LRRC9: variants seen among roughly 807,000 people sequenced by gnomAD.
The protein encoded by LRRC9 is leucine rich repeat containing 9.
LRRC9 carries 122 observed loss-of-function variants against 63.2 expected under a neutral mutation model. The ratio of observed to expected loss-of-function variants is 1.93; its 90% CI spans 1.67 to 2.24. LRRC9 has a LOEUF of 2.24. Among genes scored for constraint, LRRC9 ranks in the 30% most tolerant of loss-of-function variants. LRRC9 has a pLI of 0.00. For synonymous variants in LRRC9, 366 were observed against 213.1 expected, an observed-to-expected ratio of 1.72 and a Z score of -6.25; for missense variants, 1,071 against 627.7, an observed-to-expected ratio of 1.71 and a Z score of -7.55.
At chr14:60,063,214 C>T (rs557766918) in intron 31 of LRRC9, 109 bp from the exon 33 acceptor site, 6 of 631,074 alleles carry the variant, frequency 9.5e-6, no homozygotes, top group South Asian at 7.1e-5. Flanking sequence ...TTTGAAATTG[C>T]GCACATCTAA....
chr14:60,008,616 C>T (rs1825074758), intron 23 of LRRC9, among the ~76,000 whole-genome samples: 1 of 152,116 alleles, frequency 6.6e-6, no homozygotes, highest in Non-Finnish European at 1.5e-5. Context: ...TTTGAACCAA[C>T]ATGTGGTATG....
chr14:59,945,386 A>G (rs1321853421), intron 8 of LRRC9, among the ~76,000 whole-genome samples: 1 of 152,034 alleles, frequency 6.6e-6, no homozygotes, highest in Non-Finnish European at 1.5e-5. Flanking sequence ...AAATGGTGTT[A>G]CAAAAATAGT....
intron 8 of LRRC9, among the ~76,000 whole-genome samples, chr14:59,952,825 C>T (rs1276895807): frequency 2.0e-5 from 3 of 152,144 alleles, no homozygotes; most frequent in East Asian, 1.9e-4. Context: ...CACCTCGCAA[C>T]AGGACCTGGT....
rs1162896577 is a variant in LRRC9 at position 59,938,817 on chromosome 14, CA to C, written c.726+249del. Among the ~76,000 whole-genome samples the C allele has an allele frequency of 6.7e-6, 1 of 148,332 alleles. No individual in the cohort carries two copies. Among genetic ancestry groups the C allele is most frequent in the African/African-American group, 2.5e-5 (1 of 40,372 alleles). On this transcript the variant is annotated intron_variant, in intron 7 of 31. Coordinates refer to ENST00000445360, the Ensembl canonical transcript of LRRC9. This position sits in a 1 kb window ranked among gnomAD's most constrained non-coding sequence, Gnocchi z 4.2. ...AGAATAATAATGTTTCTAATCTATACAAAACAAGAAGGAAATTGAAAAAAAA... is the reference window on the plus strand; with the variant it reads ...AGAATAATAATGTTTCTAATCTATACAAACAAGAAGGAAATTGAAAAAAAA...
intron 13 of LRRC9, among the ~76,000 whole-genome samples, chr14:59,975,696 C>T (rs1191494488): frequency 6.6e-6 from 1 of 152,134 alleles, no homozygotes; most frequent in Non-Finnish European, 1.5e-5. Context: ...TTAATAATCA[C>T]ATAAATATAA....
chr14:59,971,548 C>A (rs1387737873), intron 12 of LRRC9, among the ~76,000 whole-genome samples: 1 of 152,060 alleles, frequency 6.6e-6, no homozygotes, highest in Non-Finnish European at 1.5e-5. Flanking sequence ...AATATTGATT[C>A]TTCCTGTCCA....
chr14:60,020,116 C>A (rs997177045), intron 26 of LRRC9, among the ~76,000 whole-genome samples: 1 of 151,870 alleles, frequency 6.6e-6, no homozygotes, highest in Admixed American at 6.6e-5. Context: ...ATCTCTCCCC[C>A]GACACCCTGG....
At position 59,942,622 on chromosome 14, in the gene LRRC9, G is replaced by C. The variant is rs919739156; in HGVS notation, c.727-1967G>C. 6.6e-6 allele frequency among the ~76,000 whole-genome samples: 1 copy of C among 152,166 alleles called. No individual in the cohort carries two copies. The highest frequency in any genetic ancestry group is 6.5e-5 in the Admixed American group (1 of 15,274). ...AGGTGCCTGTAATACCAGCTACTCAGGAGGCTGAGGCAGGAGAATCACTTG... is the reference window on the plus strand; with the variant it reads ...AGGTGCCTGTAATACCAGCTACTCACGAGGCTGAGGCAGGAGAATCACTTG... On this transcript the variant is annotated intron_variant, in intron 7 of 31. Coordinates refer to ENST00000445360, the Ensembl canonical transcript of LRRC9. This position sits in a 1 kb window ranked among gnomAD's most constrained non-coding sequence, Gnocchi z 5.3.
intron 27 of LRRC9, among the ~76,000 whole-genome samples, chr14:60,026,851 G>T (rs1411048864): frequency 1.3e-5 from 2 of 151,820 alleles, no homozygotes; most frequent in African/African-American, 4.8e-5. Flanking sequence ...CTGTTCCCTT[G>T]GTCTATGTGT....
At position 59,944,582 on chromosome 14, in the gene LRRC9, C is replaced by T. The variant is rs1882139368; in HGVS notation, c.727-7C>T. ...TAATTTTTTGTTGTTTTCTTTCTTA[C>T]TTTTAGACCACAGCAATGAAAAAAA... is the stretch of plus-strand genomic sequence containing the variant. On this transcript the variant is annotated splice_polypyrimidine_tract_variant and splice_region_variant and intron_variant, in intron 7 of 31. Transcript: ENST00000445360. 1 of 555,392 alleles carries T rather than the reference C, an allele frequency of 1.8e-6. No individual in the cohort carries two copies. The highest frequency in any genetic ancestry group is 2.6e-5 in the South Asian group (1 of 39,096). The allele number at this position is 555,392 out of a possible 1,614,324, so 34.4% of individuals were successfully genotyped here.
rs1265301560 is a variant in LRRC9 at position 59,931,601 on chromosome 14, T to G, written c.409-18T>G. Reference sequence around the variant, plus strand: ...TTTTAATTATCTGTTCTAAATAATATGTTGTCTAAATTTTTAGGGTTTGCA... The same window carrying G: ...TTTTAATTATCTGTTCTAAATAATAGGTTGTCTAAATTTTTAGGGTTTGCA... On this transcript the variant is annotated intron_variant, in intron 4 of 31. Transcript: ENST00000445360. The G allele has an allele frequency of 1.4e-6, 1 of 690,028 alleles. No homozygotes were observed. Among genetic ancestry groups the G allele is most frequent in the Non-Finnish European group, 2.6e-6 (1 of 380,772 alleles). 42.7% of individuals were successfully genotyped at this position (690,028 alleles called of 1,614,324 possible).
rs908704050 is a variant in LRRC9, at chr14:59,964,299, A to G, written c.1212-2290A>G. ...TTTAGACTATCATAACTTCTGTTCAACTCTTTTAAAGTCAGCTGAACTGTG... is the reference window on the plus strand; with the variant it reads ...TTTAGACTATCATAACTTCTGTTCAGCTCTTTTAAAGTCAGCTGAACTGTG... On this transcript the variant is annotated intron_variant, in intron 10 of 31. Transcript: ENST00000445360. The surrounding 1 kb of genome is among the most constrained non-coding windows in gnomAD (Gnocchi z 4.4). Among the ~76,000 whole-genome samples, 35 of 151,902 alleles carry G rather than the reference A, an allele frequency of 2.3e-4. No homozygotes were observed. The highest frequency in any genetic ancestry group is 4.6e-4 in the Non-Finnish European group (31 of 67,970).
chr14:59,964,376 G>T lies in LRRC9; in HGVS notation c.1212-2213G>T, dbSNP rs1425828506. ...AGTACTCCACCACATAAGTGGTTTT[G>T]TTTGTTCTGTTTCCTTCACCCAGAA... On this transcript the variant is annotated intron_variant, in intron 10 of 31. Transcript: ENST00000445360. The surrounding 1 kb of genome is among the most constrained non-coding windows in gnomAD (Gnocchi z 4.4). 1.3e-5 allele frequency among the ~76,000 whole-genome samples: 2 copies of T among 152,126 alleles called. No homozygotes were observed. The highest frequency in any genetic ancestry group is 2.4e-5 in the African/African-American group (1 of 41,414).
At chr14:60,038,037 G>C (rs1186457499) in intron 29 of LRRC9, among the ~76,000 whole-genome samples, 2 of 152,132 alleles carry the variant, frequency 1.3e-5, no homozygotes, top group African/African-American at 4.8e-5. Flanking sequence ...TTTCCCCATT[G>C]CTTGTTTTTG....
chr14:60,015,732 C>T (rs572277894), intron 23 of LRRC9, among the ~76,000 whole-genome samples: 36 of 152,158 alleles, frequency 2.4e-4, no homozygotes, highest in Non-Finnish European at 4.6e-4. Context: ...CCAAACTCCC[C>T]ATGTTATCTA....
At chr14:59,995,901 C>A (rs1888730062) in intron 17 of LRRC9, among the ~76,000 whole-genome samples, 1 of 152,112 alleles carries the variant, frequency 6.6e-6, no homozygotes, top group South Asian at 2.1e-4. Context: ...CGCCACGATG[C>A]CCAGCTAATT....
rs1220657210 is a variant in LRRC9 at position 59,966,756 on chromosome 14, A to C, written c.1379A>C (p.His460Pro). 1.5e-6 allele frequency: 1 copy of C among 655,772 alleles called. No homozygotes were observed. The highest frequency in any genetic ancestry group is 2.3e-5 in the Admixed American group (1 of 43,182). 40.6% of individuals were successfully genotyped at this position (655,772 alleles called of 1,614,324 possible). ...AAGTTTTTGGAGAATGAAGATATGCATGATTCAGAGTAAGAAGCTGAATTC... is the reference window on the plus strand; with the variant it reads ...AAGTTTTTGGAGAATGAAGATATGCCTGATTCAGAGTAAGAAGCTGAATTC... The change falls in exon 11 of 32, where the codon CAT becomes CCT. Residue 460 changes from histidine to proline, a missense_variant. Coordinates refer to ENST00000445360, the Ensembl canonical transcript of LRRC9. This position sits in a 1 kb window ranked among gnomAD's most constrained non-coding sequence, Gnocchi z 4.0.
chr14:59,993,827 C>A (rs1254647279), intron 17 of LRRC9, among the ~76,000 whole-genome samples: 1 of 152,164 alleles, frequency 6.6e-6, no homozygotes, highest in African/African-American at 2.4e-5. Flanking sequence ...TCCTTAGTGA[C>A]CTACAAAGAG....
At chr14:59,939,065 G>T (rs886241258) in intron 7 of LRRC9, among the ~76,000 whole-genome samples, 1 of 135,918 alleles carries the variant, frequency 7.4e-6, no homozygotes, top group Non-Finnish European at 1.6e-5. Flanking sequence ...ATATATATAC[G>T]TATATACACA....
Sources: allele counts gnomAD v4.1 joint callset (sites outside exome capture counted in the v4.1 genomes callset), GRCh38; gene constraint gnomAD v4.1.1; non-coding constraint Gnocchi (gnomAD v3.1); transcripts MANE v1.5; gene names NCBI Gene and HGNC (gene_info 2026-07-23, HGNC 2026-07-21).